The following OR2L13 variants were observed in gnomAD, a reference collection of about 807,000 sequenced individuals.
The protein encoded by OR2L13 is olfactory receptor 2L13.
In OR2L13, 14 loss-of-function variants were observed where a neutral mutation model predicts 15.3. The observed-to-expected ratio is 0.91, with a 90% confidence interval of 0.60 to 1.43. The LOEUF is 1.43. Among genes scored for constraint, OR2L13 ranks in the 40% most tolerant of loss-of-function variants. OR2L13 has a pLI of 0.00. For missense variants in OR2L13, 367 were observed against 387.9 expected, an observed-to-expected ratio of 0.95 and a Z score of 0.45; for synonymous variants, 152 against 142.9, an observed-to-expected ratio of 1.06 and a Z score of -0.45.
At chr1:248,022,035 T>A in the OR2L13 span, 1 of 1,613,988 alleles carries the variant, frequency 6.2e-7, no homozygotes, top group Non-Finnish European at 8.5e-7. Context: ...CTTCATTCTC[T>A]TTGTTCTCAT....
chr1:248,084,611 T>C, the OR2L13 span: 5 of 1,585,992 alleles, frequency 3.2e-6, no homozygotes, highest in African/African-American at 6.8e-5. Flanking sequence ...TCCCCTGGTG[T>C]GATGGTGCAA....
At chr1:247,949,659 A>G in the OR2L13 span, 3 of 1,613,866 alleles carry the variant, frequency 1.9e-6, no homozygotes, top group East Asian at 6.7e-5. Flanking sequence ...GCGATCTCCA[A>G]CAGAGGACAA....
At chr1:248,082,757 C>G in the OR2L13 span, among the ~76,000 whole-genome samples, 2 of 152,152 alleles carry the variant, frequency 1.3e-5, no homozygotes, top group Admixed American at 6.5e-5. Flanking sequence ...TCACCTATGC[C>G]TTGGCAGAAG....
the OR2L13 span, among the ~76,000 whole-genome samples, chr1:248,076,179 G>T: frequency 6.6e-6 from 1 of 152,096 alleles, no homozygotes; most frequent in African/African-American, 2.4e-5. Context: ...TTATTTCTGA[G>T]ACCTCTATTC....
At chr1:248,067,568 G>A in the OR2L13 span, among the ~76,000 whole-genome samples, 1 of 152,246 alleles carries the variant, frequency 6.6e-6, no homozygotes. Flanking sequence ...CGTGAGCGAT[G>A]CAGAAGACGG....
At chr1:248,063,316 G>T in the OR2L13 span, 2 of 152,130 alleles carry the variant, frequency 1.3e-5, no homozygotes, top group African/African-American at 4.8e-5. Context: ...TACCGTTAAC[G>T]GTAAAGTATT....
the OR2L13 span, among the ~76,000 whole-genome samples, chr1:248,069,142 C>G: frequency 6.6e-6 from 1 of 151,928 alleles, no homozygotes; most frequent in African/African-American, 2.4e-5. Context: ...AGATACTCCT[C>G]GAGAAGAGCA....
the OR2L13 span, among the ~76,000 whole-genome samples, chr1:247,992,671 C>A: frequency 6.6e-6 from 1 of 152,190 alleles, no homozygotes; most frequent in Non-Finnish European, 1.5e-5. Context: ...TTATGGCCCC[C>A]AGCTCTATCC....
chr1:247,990,693 G>C, the OR2L13 span: 1 of 1,535,602 alleles, frequency 6.5e-7, no homozygotes, highest in Non-Finnish European at 9.0e-7. Context: ...TGTGTGCACT[G>C]ATGATAACAG....
At chr1:247,955,398 A>C in the OR2L13 span, among the ~76,000 whole-genome samples, 4 of 150,974 alleles carry the variant, frequency 2.6e-5, no homozygotes, top group African/African-American at 9.7e-5. Context: ...GAATAGTGCC[A>C]CAATAAACAT....
the OR2L13 span, chr1:248,021,779 TATA>T: frequency 2.0e-6 from 1 of 499,886 alleles, no homozygotes; most frequent in Non-Finnish European, 3.5e-6. Context: ...AATTAAAATT[TATA>T]ATACATATTG....
At chr1:247,948,746 GT>G in the OR2L13 span, 2 of 836,956 alleles carry the variant, frequency 2.4e-6, no homozygotes, top group Non-Finnish European at 3.8e-6. Context: ...ATCAACTGCA[GT>G]TTCAAACATC....
chr1:247,993,531 C>G, the OR2L13 span, among the ~76,000 whole-genome samples: 1 of 151,996 alleles, frequency 6.6e-6, no homozygotes, highest in Non-Finnish European at 1.5e-5. Context: ...TAAATGGAAT[C>G]TAGACTTTCT....
upstream of OR2L13, among the ~76,000 whole-genome samples, chr1:248,096,437 A>G (rs377003697): frequency 1.3e-5 from 2 of 152,160 alleles, no homozygotes; most frequent in African/African-American, 2.4e-5. Context: ...AAAAGGTAAC[A>G]TGAACTTGTT....
chr1:248,070,884 G>A, the OR2L13 span, among the ~76,000 whole-genome samples: 1 of 152,170 alleles, frequency 6.6e-6, no homozygotes, highest in African/African-American at 2.4e-5. Context: ...AGAAGAAATG[G>A]ATAAATTCCT....
the OR2L13 span, among the ~76,000 whole-genome samples, chr1:248,054,059 T>A: frequency 2.0e-5 from 3 of 152,212 alleles, no homozygotes; most frequent in African/African-American, 7.2e-5. Context: ...TGATATTGCC[T>A]AGATTTTCTT....
the OR2L13 span, chr1:248,083,739 A>C: frequency 6.2e-7 from 1 of 1,613,570 alleles, no homozygotes; most frequent in Admixed American, 1.7e-5. Flanking sequence ...ACTGTAGATG[A>C]GGGGGTTTAG....
the OR2L13 span, among the ~76,000 whole-genome samples, chr1:247,973,927 G>T: frequency 6.6e-6 from 1 of 152,078 alleles, no homozygotes. Context: ...CCCATTCCTG[G>T]GTATATACCT....
chr1:247,994,739 G>C, the OR2L13 span, among the ~76,000 whole-genome samples: 1 of 151,906 alleles, frequency 6.6e-6, no homozygotes. Context: ...TAAGACAGTG[G>C]GTTTTAAGTG....
Sources: gnomAD v4.1 joint callset for allele counts (sites outside exome capture counted in the v4.1 genomes callset) on GRCh38, gnomAD v4.1.1 for gene constraint, MANE v1.5 for transcripts, NCBI Gene and HGNC (gene_info 2026-07-23, HGNC 2026-07-21) for gene names.